The following USH2A variants were observed in gnomAD, a reference collection of about 807,000 sequenced individuals.
The protein encoded by USH2A is Usher syndrome 2A (autosomal recessive, mild).
Under a neutral mutation model 538.9 loss-of-function variants are expected in USH2A, and 443 were observed. The ratio of observed to expected loss-of-function variants is 0.82; its 90% CI spans 0.76 to 0.89. USH2A has a LOEUF of 0.89. Among genes scored for constraint, USH2A ranks in the 40% least tolerant of loss-of-function variants. USH2A has a pLI of 0.00. For missense variants in USH2A, 6,633 were observed against 6,324.8 expected, an observed-to-expected ratio of 1.05 and a Z score of -1.65; for synonymous variants, 2,413 against 2,273.5, an observed-to-expected ratio of 1.06 and a Z score of -1.75.
intron 38 of USH2A, among the ~76,000 whole-genome samples, chr1:215,911,788 G>C (rs1665791431): frequency 6.6e-6 from 1 of 152,036 alleles, no homozygotes; most frequent in South Asian, 2.1e-4. Context: ...CCTCCAAATG[G>C]TTCTCCATAG....
chr1:215,816,722 A>G (rs1047970639), intron 48 of USH2A, among the ~76,000 whole-genome samples: 9 of 152,100 alleles, frequency 5.9e-5, no homozygotes, highest in Non-Finnish European at 1.0e-4. Context: ...GATCTGTTGT[A>G]AAGAAAATTT....
intron 38 of USH2A, among the ~76,000 whole-genome samples, chr1:215,913,895 G>A (rs1665878183): frequency 6.6e-6 from 1 of 151,926 alleles, no homozygotes; most frequent in Admixed American, 6.6e-5. Context: ...GCCAGAAAGA[G>A]ATGGGGAAAA....
intron 32 of USH2A, among the ~76,000 whole-genome samples, chr1:216,026,693 A>G (rs1382227742): frequency 1.3e-5 from 2 of 152,184 alleles, no homozygotes; most frequent in African/African-American, 2.4e-5. Flanking sequence ...GAAAGATGAA[A>G]GATAAAGTTC....
chr1:215,682,206 T>C (rs1358707500), intron 61 of USH2A, among the ~76,000 whole-genome samples: 3 of 152,162 alleles, frequency 2.0e-5, no homozygotes, highest in African/African-American at 7.2e-5. Context: ...CAGTAATAGA[T>C]GCCAAAAAAG....
intron 64 of USH2A, among the ~76,000 whole-genome samples, chr1:215,664,257 T>C (rs1657536258): frequency 6.6e-6 from 1 of 152,230 alleles, no homozygotes; most frequent in Non-Finnish European, 1.5e-5. Context: ...TTATTATTTA[T>C]TTACATTCAT....
chr1:215,980,756 A>T (rs1220826983), intron 35 of USH2A, among the ~76,000 whole-genome samples: 1 of 152,134 alleles, frequency 6.6e-6, no homozygotes, highest in African/African-American at 2.4e-5. Context: ...CATGATATTC[A>T]TGTGTTCTAT....
chr1:215,784,993 A>G (rs1460769990), intron 52 of USH2A, among the ~76,000 whole-genome samples: 2 of 152,232 alleles, frequency 1.3e-5, no homozygotes, highest in African/African-American at 2.4e-5. Flanking sequence ...ACTTAAATCT[A>G]TAACTGGGAC....
intron 37 of USH2A, among the ~76,000 whole-genome samples, chr1:215,937,678 C>A (rs1307673109): frequency 2.6e-5 from 4 of 152,046 alleles, no homozygotes; most frequent in Non-Finnish European, 4.4e-5. Flanking sequence ...TCAGCTTGTC[C>A]TATAGACTCA....
intron 20 of USH2A, among the ~76,000 whole-genome samples, chr1:216,181,293 A>G (rs1381847803): frequency 6.6e-6 from 1 of 152,080 alleles, no homozygotes; most frequent in Non-Finnish European, 1.5e-5. Context: ...CAGTTTCAAA[A>G]TTCTTTGGTT....
At chr1:215,732,704 G>C (rs972790580) in intron 60 of USH2A, among the ~76,000 whole-genome samples, 1 of 151,418 alleles carries the variant, frequency 6.6e-6, no homozygotes, top group Admixed American at 6.6e-5. Context: ...ACCATGCCTG[G>C]CTAATTTTTT....
At chr1:216,004,817 A>G (rs1668354565) in intron 32 of USH2A, among the ~76,000 whole-genome samples, 1 of 152,208 alleles carries the variant, frequency 6.6e-6, no homozygotes, top group South Asian at 2.1e-4. Context: ...TATGTGAAAG[A>G]GGAGAATCTA....
At chr1:216,130,529 T>C (rs2033351419) in intron 21 of USH2A, among the ~76,000 whole-genome samples, 1 of 146,304 alleles carries the variant, frequency 6.8e-6, no homozygotes, top group African/African-American at 2.5e-5. Flanking sequence ...ATCATATATA[T>C]TTATATATAT....
intron 49 of USH2A, among the ~76,000 whole-genome samples, chr1:215,809,455 T>TC (rs888427118): frequency 1.8e-5 from 2 of 108,418 alleles, no homozygotes; most frequent in African/African-American, 6.2e-5. Context: ...AGAAAAGTCT[T>TC]CAAAAAAAAA....
intron 4 of USH2A, among the ~76,000 whole-genome samples, chr1:216,347,420 C>G (rs75850553): frequency 8.1e-4 from 123 of 152,128 alleles, no homozygotes; most frequent in Non-Finnish European, 1.5e-3. Context: ...ATTTGACAAG[C>G]TTTCCAAAAT....
At chr1:216,391,708 C>G (rs1333902321) in intron 3 of USH2A, among the ~76,000 whole-genome samples, 2 of 152,132 alleles carry the variant, frequency 1.3e-5, no homozygotes, top group African/African-American at 4.8e-5. Context: ...TTTGCATAAA[C>G]TCTGCATTTT....
At chr1:216,021,747 C>A (rs896569453) in intron 32 of USH2A, among the ~76,000 whole-genome samples, 1 of 152,142 alleles carries the variant, frequency 6.6e-6, no homozygotes, top group Non-Finnish European at 1.5e-5. Context: ...TTTGGTATCT[C>A]ATAAAAGGAG....
At chr1:216,043,041 G>C (rs750229946) in intron 32 of USH2A, among the ~76,000 whole-genome samples, 3 of 152,100 alleles carry the variant, frequency 2.0e-5, no homozygotes, top group Non-Finnish European at 2.9e-5. Flanking sequence ...AAGTCACCCA[G>C]TTTTGTTATT....
At chr1:216,228,354 A>G (rs2035602710) in intron 14 of USH2A, among the ~76,000 whole-genome samples, 1 of 152,122 alleles carries the variant, frequency 6.6e-6, no homozygotes, top group African/African-American at 2.4e-5. Context: ...TCTGAAAAGG[A>G]AAACCTGGAA....
chr1:216,152,750 G>A (rs2033865041), intron 21 of USH2A, among the ~76,000 whole-genome samples: 1 of 152,156 alleles, frequency 6.6e-6, no homozygotes, highest in African/African-American at 2.4e-5. Flanking sequence ...GGAAATGCTG[G>A]GTAGAAGAGG....
Sources: gnomAD v4.1 joint callset for allele counts (sites outside exome capture counted in the v4.1 genomes callset) on GRCh38, gnomAD v4.1.1 for gene constraint, MANE v1.5 for transcripts, NCBI Gene and HGNC (gene_info 2026-07-23, HGNC 2026-07-21) for gene names.